XRCC6: variants seen among roughly 807,000 people sequenced by gnomAD.
XRCC6 encodes the protein X-ray repair cross complementing 6.
A neutral mutation model predicts 65.7 loss-of-function variants in XRCC6; 5 were observed. The observed-to-expected ratio is 0.08, with a 90% CI of 0.04 to 0.16. XRCC6 has a LOEUF of 0.16. Among genes scored for constraint, XRCC6 ranks in the 10% least tolerant of loss-of-function variants. XRCC6 has a pLI of 1.00. For missense variants in XRCC6, 447 were observed against 738.1 expected (o/e 0.61, Z 4.57); for synonymous variants, 270 against 270.6 (o/e 1.00, Z 0.02).
Position 41,653,698 on chromosome 22 carries a change from G to T in XRCC6, c.1291+8G>T, listed in dbSNP as rs989212067. On this transcript the variant is annotated splice_region_variant and intron_variant, in intron 9 of 12. Transcript: ENST00000360079. ...TTCAGGTGACTCCTCCAGGTATGTG[G>T]CAGAGATATTTCCAGGGCTTCTGAA... The T allele has an allele frequency of 6.2e-7, 1 of 1,612,390 alleles. No individual in the cohort carries two copies.
chr22:41,637,214 G>A (rs940114976), intron 5 of XRCC6, among the ~76,000 whole-genome samples: 1 of 151,138 alleles, frequency 6.6e-6, no homozygotes, highest in African/African-American at 2.4e-5. Flanking sequence ...CTCCCAAATA[G>A]CTGGAATTAC....
chr22:41,648,948 T>C (rs1409213666), intron 7 of XRCC6, among the ~76,000 whole-genome samples: 2 of 151,018 alleles, frequency 1.3e-5, no homozygotes, highest in Non-Finnish European at 2.9e-5. Context: ...TAGTCACATA[T>C]CCAGGATAAA....
chr22:41,632,545 A>G (rs1442416822), intron 3 of XRCC6, among the ~76,000 whole-genome samples: 2 of 152,100 alleles, frequency 1.3e-5, no homozygotes, highest in African/African-American at 2.4e-5. Context: ...GGGGAGGTGG[A>G]CGTTGCAGTG....
intron 3 of XRCC6, among the ~76,000 whole-genome samples, chr22:41,633,273 C>G (rs1442446918): frequency 6.6e-6 from 1 of 152,204 alleles, no homozygotes; most frequent in Admixed American, 6.5e-5. Context: ...TTCTGATTCT[C>G]TATGTCTAGA....
chr22:41,637,758 G>A lies in XRCC6; in HGVS notation c.740G>A (p.Arg247His), dbSNP rs2067824912. 3 of 1,613,906 alleles carry A rather than the reference G, an allele frequency of 1.9e-6. No individual in the cohort carries two copies. The highest frequency in any genetic ancestry group is 1.1e-5 in the South Asian group (1 of 91,046). Residue 247 changes from arginine to histidine, a missense_variant, in exon 6 of 13, where the codon CGC becomes CAC. Arg to His is a conservative substitution (Grantham distance 29). Transcript: ENST00000360079. ...CTAGAAGACCTGTTGCGGAAGGTTC[G>A]CGCCAAGGAGACCAGGAAGCGAGCA... ...SKLEDLLRKVRAKETRKRALS... is the reference protein window; with the variant it reads ...SKLEDLLRKVHAKETRKRALS...
chr22:41,651,410 A>G (rs1218436025), intron 8 of XRCC6, among the ~76,000 whole-genome samples: 17 of 39,110 alleles, frequency 4.3e-4, no homozygotes, highest in African/African-American at 1.1e-3. Context: ...TTTTTTTTGG[A>G]GATGGAGTTT....
chr22:41,648,354 T>A lies in XRCC6; in HGVS notation c.960+1272T>A, dbSNP rs554909290. On this transcript the variant is annotated intron_variant, in intron 7 of 12. Transcript: ENST00000360079. ...CCCTTCATCACTCAGTACATGCTGC[T>A]GTCAGTCTAACAGTCTTGCTCAGGT... Among the ~76,000 whole-genome samples the A allele has an allele frequency of 7.2e-5, 11 of 152,238 alleles. No individual in the cohort carries two copies. The South Asian group carries it at 2.1e-3, about 29-fold the overall frequency.
chr22:41,644,254 T>G (rs1225984984), intron 6 of XRCC6, among the ~76,000 whole-genome samples: 1 of 152,246 alleles, frequency 6.6e-6, no homozygotes, highest in Non-Finnish European at 1.5e-5. Context: ...CTTTCTGTTG[T>G]GGACCTCTAA....
At chr22:41,648,352 G>A (rs1433490171) in intron 7 of XRCC6, among the ~76,000 whole-genome samples, 2 of 152,018 alleles carry the variant, frequency 1.3e-5, no homozygotes, top group Non-Finnish European at 2.9e-5. Context: ...AGTACATGCT[G>A]CTGTCAGTCT....
intron 2 of XRCC6, 81 bp downstream of exon 2, chr22:41,622,167 T>C: frequency 7.0e-7 from 1 of 1,437,720 alleles, no homozygotes; most frequent in Non-Finnish European, 9.7e-7. Context: ...TGGACTTTGC[T>C]GTTTGATGGC....
intron 7 of XRCC6, 73 bp downstream of exon 7, chr22:41,647,155 G>A: frequency 6.6e-7 from 1 of 1,524,744 alleles, no homozygotes. Flanking sequence ...CTGGAGTGCA[G>A]TGGGGCGAAC....
chr22:41,623,866 G>A (rs1350814598), intron 2 of XRCC6, among the ~76,000 whole-genome samples: 1 of 152,060 alleles, frequency 6.6e-6, no homozygotes, highest in Admixed American at 6.6e-5. Flanking sequence ...GATGACAGGC[G>A]TGTGCGCCAC....
intron 2 of XRCC6, among the ~76,000 whole-genome samples, chr22:41,625,027 C>A (rs764102336): frequency 6.6e-6 from 1 of 151,940 alleles, no homozygotes; most frequent in Non-Finnish European, 1.5e-5. Flanking sequence ...TAAAATAGGT[C>A]AGGCACGGTG....
chr22:41,621,803 A>G, intron 1 of XRCC6, 187 bp from the exon 2 acceptor site: 1 of 573,514 alleles, frequency 1.7e-6, no homozygotes. Context: ...GAGATGAGGC[A>G]GCTACTGGGA....
At chr22:41,658,454 T>G in intron 11 of XRCC6, 102 bp downstream of exon 11, 1 of 1,057,914 alleles carries the variant, frequency 9.5e-7, no homozygotes. Flanking sequence ...CTCTAAACAC[T>G]TAACCTCATT....
At chr22:41,636,352 G>A in intron 4 of XRCC6, 101 bp downstream of exon 4, 1 of 1,499,222 alleles carries the variant, frequency 6.7e-7, no homozygotes, top group Non-Finnish European at 8.9e-7. Flanking sequence ...ATCTTGTCTA[G>A]GAGTATGCTT....
rs367634206 is a variant in XRCC6, at chr22:41,636,260, T to C, written c.334+9T>C. Reference sequence around the variant, plus strand: ...GGAGCTGGATAATCCAGGTCAGTAATATTTTAAGATCAGCTTTTCCCTTAT... The same window carrying C: ...GGAGCTGGATAATCCAGGTCAGTAACATTTTAAGATCAGCTTTTCCCTTAT... On this transcript the variant is annotated intron_variant, in intron 4 of 12. Coordinates refer to ENST00000360079, the MANE Select transcript of XRCC6 (RefSeq NM_001469.5). The C allele has an allele frequency of 6.3e-7, 1 of 1,577,964 alleles. No individual in the cohort carries two copies. Among genetic ancestry groups the C allele is most frequent in the African/African-American group, 1.4e-5 (1 of 72,642 alleles).
At chr22:41,635,059 G>A (rs879927681) in intron 3 of XRCC6, among the ~76,000 whole-genome samples, 1 of 152,128 alleles carries the variant, frequency 6.6e-6, no homozygotes, top group Admixed American at 6.5e-5. Flanking sequence ...TTGTTATTGA[G>A]GGAATTGGTT....
intron 6 of XRCC6, among the ~76,000 whole-genome samples, chr22:41,639,378 C>T (rs2067849660): frequency 8.1e-6 from 1 of 123,340 alleles, no homozygotes; most frequent in South Asian, 2.7e-4. Context: ...ACCCTGTTGC[C>T]CAGGCCAGAG....
Sources: allele counts gnomAD v4.1 joint callset (sites outside exome capture counted in the v4.1 genomes callset), GRCh38; gene constraint gnomAD v4.1.1; transcripts MANE v1.5; gene names NCBI Gene and HGNC (gene_info 2026-07-23, HGNC 2026-07-21).